The following GPR176 variants were observed in gnomAD, a reference collection of about 807,000 sequenced individuals.
The protein encoded by GPR176 is G-protein coupled receptor 176.
GPR176 carries 26 observed loss-of-function variants against 35.4 expected under a neutral mutation model. The observed-to-expected ratio is 0.74, with a 90% CI of 0.54 to 1.02. The LOEUF is 1.02. GPR176 is among the 50% of genes least tolerant of loss of function. The pLI, the probability that GPR176 is intolerant of heterozygous loss-of-function variation, is 0.00. For missense variants in GPR176, 597 were observed against 665.3 expected, an observed-to-expected ratio of 0.90 and a Z score of 1.13; for synonymous variants, 278 against 271.3, an observed-to-expected ratio of 1.02 and a Z score of -0.24.
chr15:39,801,116 G>A lies in GPR176; in HGVS notation c.*16C>T. On this transcript the variant is annotated 3_prime_UTR_variant, in exon 3 of 3. Coordinates refer to ENST00000561100, the MANE Select transcript of GPR176 (RefSeq NM_007223.3). Reference sequence around the variant, plus strand: ...TATGGAAGCTCCCCGTTGCTTCCAAGAATTTACAATCCTTGCTAGGAATCC... The same window carrying A: ...TATGGAAGCTCCCCGTTGCTTCCAAAAATTTACAATCCTTGCTAGGAATCC... The A allele has an allele frequency of 6.4e-7, 1 of 1,571,238 alleles. No individual in the cohort carries two copies. Among genetic ancestry groups the A allele is most frequent in the Non-Finnish European group, 8.6e-7 (1 of 1,157,246 alleles).
At chr15:39,864,036 T>C (rs1379841190) in intron 1 of GPR176, among the ~76,000 whole-genome samples, 1 of 152,168 alleles carries the variant, frequency 6.6e-6, no homozygotes, top group African/African-American at 2.4e-5. Context: ...TTGAATAATT[T>C]TTGAACTCTC....
intron 1 of GPR176, among the ~76,000 whole-genome samples, chr15:39,848,009 C>A (rs1028553979): frequency 1.1e-4 from 17 of 152,152 alleles, no homozygotes; most frequent in African/African-American, 4.1e-4. Context: ...GGGGGAGGTG[C>A]TACACACTTT....
In GPR176 at chr15:39,892,798, C is replaced by T. The variant is rs148028502; in HGVS notation, c.172+27057G>A. 2.3e-3 allele frequency among the ~76,000 whole-genome samples: 355 copies of T among 152,364 alleles called. 3 individuals are homozygous for T. The highest frequency in any genetic ancestry group is 7.9e-3 in the African/African-American group (329 of 41,578). On this transcript the variant is annotated intron_variant, in intron 1 of 2. Transcript: ENST00000561100. ...CTTCAGAAGGAACCAGCCCTGCCGG[C>T]AGCTTGATTTCAGACTTCTGGTCTC...
intron 1 of GPR176, among the ~76,000 whole-genome samples, chr15:39,890,040 A>G (rs1365919898): frequency 2.0e-5 from 3 of 152,224 alleles, no homozygotes; most frequent in Non-Finnish European, 4.4e-5. Context: ...CATCATGGCC[A>G]ATTTCAAAAT....
rs546532706 is a variant in GPR176, at chr15:39,855,245, T to C, written c.173-47987A>G. On this transcript the variant is annotated intron_variant, in intron 1 of 2. Transcript: ENST00000561100. ...ATGACAAAGTACATCGCCAATGCTA[T>C]TTTACTCCAAAACTCCAAAACTATG... 4.6e-5 allele frequency among the ~76,000 whole-genome samples: 7 copies of C among 152,214 alleles called. No homozygotes were observed. In the East Asian group the frequency reaches 1.4e-3, roughly 29 times the overall value.
intron 1 of GPR176, among the ~76,000 whole-genome samples, chr15:39,835,559 T>A (rs1485058502): frequency 6.6e-6 from 1 of 151,972 alleles, no homozygotes; most frequent in African/African-American, 2.4e-5. Context: ...TATTCCACCA[T>A]CCCGAATACT....
At chr15:39,836,899 G>A (rs1595465518) in intron 1 of GPR176, among the ~76,000 whole-genome samples, 2 of 152,206 alleles carry the variant, frequency 1.3e-5, no homozygotes, top group East Asian at 3.9e-4. Context: ...ATAATGCAGT[G>A]TTACATTCAA....
intron 1 of GPR176, among the ~76,000 whole-genome samples, chr15:39,915,541 T>C (rs546349414): frequency 1.3e-5 from 2 of 152,228 alleles, no homozygotes; most frequent in Admixed American, 1.3e-4. Context: ...CATTTTGCGG[T>C]CTAGCCAGAC....
At chr15:39,851,758 G>A (rs2030883656) in intron 1 of GPR176, among the ~76,000 whole-genome samples, 1 of 152,160 alleles carries the variant, frequency 6.6e-6, no homozygotes, top group African/African-American at 2.4e-5. Flanking sequence ...CAGACTTCGA[G>A]TAGCACTTTT....
At chr15:39,823,342 A>G (rs1406742179) in intron 1 of GPR176, among the ~76,000 whole-genome samples, 2 of 151,946 alleles carry the variant, frequency 1.3e-5, no homozygotes, top group East Asian at 3.9e-4. Flanking sequence ...CCTTTCCCAA[A>G]ACTCTTCCTC....
intron 1 of GPR176, chr15:39,807,700 G>A: frequency 1.6e-6 from 1 of 641,952 alleles, no homozygotes; most frequent in Admixed American, 2.3e-5. Flanking sequence ...AAAGTAAAGA[G>A]AAGCAGGTGA....
chr15:39,838,778 G>A (rs537066429), intron 1 of GPR176, among the ~76,000 whole-genome samples: 33 of 152,168 alleles, frequency 2.2e-4, no homozygotes, highest in Non-Finnish European at 3.2e-4. Flanking sequence ...GGCACAAAAC[G>A]GGGATGCCCT....
intron 1 of GPR176, among the ~76,000 whole-genome samples, chr15:39,850,053 A>T (rs1210356295): frequency 6.6e-6 from 1 of 152,180 alleles, no homozygotes; most frequent in Non-Finnish European, 1.5e-5. Flanking sequence ...AAAGATTTTT[A>T]AAATGGTACA....
At chr15:39,840,596 C>T (rs1478131035) in intron 1 of GPR176, among the ~76,000 whole-genome samples, 2 of 151,986 alleles carry the variant, frequency 1.3e-5, no homozygotes, top group Non-Finnish European at 2.9e-5. Context: ...CAAACCTGCA[C>T]GTTGTGCACA....
intron 1 of GPR176, among the ~76,000 whole-genome samples, chr15:39,834,201 G>A (rs1040351483): frequency 3.9e-5 from 6 of 152,004 alleles, no homozygotes; most frequent in Admixed American, 2.0e-4. Flanking sequence ...AATCTCTTAC[G>A]AAGAAAAAGA....
chr15:39,876,278 T>C (rs2140843828), intron 1 of GPR176, among the ~76,000 whole-genome samples: 1 of 152,304 alleles, frequency 6.6e-6, no homozygotes, highest in Non-Finnish European at 1.5e-5. Context: ...TACTAACATA[T>C]ATTCAAAATT....
At chr15:39,913,977 C>T (rs565785225) in intron 1 of GPR176, among the ~76,000 whole-genome samples, 12 of 152,014 alleles carry the variant, frequency 7.9e-5, no homozygotes, top group East Asian at 7.8e-4. Flanking sequence ...ACCTGGGAGG[C>T]GGACCTCGCA....
intron 1 of GPR176, among the ~76,000 whole-genome samples, chr15:39,874,414 CT>C (rs1209211115): frequency 6.6e-6 from 1 of 152,114 alleles, no homozygotes; most frequent in African/African-American, 2.4e-5. Flanking sequence ...TAATTGGCAT[CT>C]TTTTTTTATA....
intron 2 of GPR176, among the ~76,000 whole-genome samples, chr15:39,805,338 C>T (rs1032660490): frequency 6.6e-6 from 1 of 151,806 alleles, no homozygotes; most frequent in Non-Finnish European, 1.5e-5. Flanking sequence ...ATAAAGCAGG[C>T]GTGGCAAATT....
Sources: gnomAD v4.1 joint callset for allele counts (sites outside exome capture counted in the v4.1 genomes callset) on GRCh38, gnomAD v4.1.1 for gene constraint, MANE v1.5 for transcripts, NCBI Gene and HGNC (gene_info 2026-07-23, HGNC 2026-07-21) for gene names.